Variants in SMYD3 observed in about 807,000 individuals in gnomAD.
The protein encoded by SMYD3 is SET and MYND domain containing 3, also known as histone-lysine N-methyltransferase SMYD3.
Under a neutral mutation model 57.7 loss-of-function variants are expected in SMYD3, and 36 were observed. That is an observed-to-expected ratio of 0.62 (90% CI 0.48 to 0.82). The LOEUF (loss-of-function observed/expected upper bound fraction) is 0.82, where lower values mean the gene tolerates loss of function less well. Among genes scored for constraint, SMYD3 ranks in the 40% least tolerant of loss-of-function variants. The pLI is 0.00. For synonymous variants in SMYD3, 211 were observed against 195.0 expected (o/e 1.08, Z -0.68); for missense variants, 515 against 538.8 (o/e 0.96, Z 0.44).
At chr1:245,843,613 A>G (rs1459232247) in intron 10 of SMYD3, among the ~76,000 whole-genome samples, 5 of 151,632 alleles carry the variant, frequency 3.3e-5, no homozygotes, top group Admixed American at 6.6e-5. Context: ...ACAAAGTAAC[A>G]TCAGTTGTAT....
intron 8 of SMYD3, among the ~76,000 whole-genome samples, chr1:245,895,617 CT>C (rs34026990): frequency 1.3e-5 from 2 of 152,214 alleles, no homozygotes; most frequent in African/African-American, 4.8e-5. Flanking sequence ...TTGAATATAA[CT>C]TTTGCGCTAA....
At chr1:246,102,751 A>AT (rs1206675867) in intron 5 of SMYD3, among the ~76,000 whole-genome samples, 216 of 151,190 alleles carry the variant, frequency 1.4e-3, no homozygotes, top group African/African-American at 5.0e-3. Flanking sequence ...CTCAAAAAAA[A>AT]AAAAAATAAT....
At chr1:246,412,782 C>T (rs527453971) in intron 1 of SMYD3, among the ~76,000 whole-genome samples, 2 of 145,520 alleles carry the variant, frequency 1.4e-5, no homozygotes, top group African/African-American at 2.5e-5. Flanking sequence ...GGCTTGAACT[C>T]GGGAGGCGGA....
intron 5 of SMYD3, among the ~76,000 whole-genome samples, chr1:246,127,766 C>T (rs753552516): frequency 3.9e-5 from 6 of 151,958 alleles, no homozygotes; most frequent in African/African-American, 9.7e-5. Context: ...CATGATAGCG[C>T]GTGCCTGTAA....
At chr1:246,041,836 C>G (rs2059881574) in intron 5 of SMYD3, among the ~76,000 whole-genome samples, 1 of 151,818 alleles carries the variant, frequency 6.6e-6, no homozygotes. Flanking sequence ...AAAAGGGTGA[C>G]TAAATACATA....
chr1:246,277,760 A>T (rs1224140550), intron 5 of SMYD3, among the ~76,000 whole-genome samples: 1 of 152,222 alleles, frequency 6.6e-6, no homozygotes, highest in Admixed American at 6.5e-5. Context: ...CTAAGTGAAA[A>T]GAGTCAGACC....
chr1:245,838,876 C>G (rs2050239938), intron 10 of SMYD3, among the ~76,000 whole-genome samples: 1 of 152,172 alleles, frequency 6.6e-6, no homozygotes, highest in African/African-American at 2.4e-5. Flanking sequence ...ACAATCCCAC[C>G]CGTATGAAAC....
At chr1:246,345,213 G>A (rs2065693589) in intron 2 of SMYD3, among the ~76,000 whole-genome samples, 1 of 151,994 alleles carries the variant, frequency 6.6e-6, no homozygotes, top group Admixed American at 6.6e-5. Flanking sequence ...TTAAGTTTAA[G>A]CTTATTGAAC....
chr1:245,783,076 AT>A (rs774071067), intron 10 of SMYD3, among the ~76,000 whole-genome samples: 3 of 152,194 alleles, frequency 2.0e-5, no homozygotes, highest in Non-Finnish European at 2.9e-5. Context: ...TGTTTATTCC[AT>A]ATACAGACTT....
At chr1:246,444,293 T>C (rs1017419113) in intron 1 of SMYD3, among the ~76,000 whole-genome samples, 2 of 152,062 alleles carry the variant, frequency 1.3e-5, no homozygotes, top group African/African-American at 4.8e-5. Context: ...GCCTGGCTAA[T>C]TTTTGTATTT....
chr1:246,060,582 A>ATTTTTTTTTTTTTTTTTTTTTTTT (rs1558191811), intron 5 of SMYD3, among the ~76,000 whole-genome samples: 3 of 152,176 alleles, frequency 2.0e-5, no homozygotes, highest in African/African-American at 7.2e-5. Flanking sequence ...CATTTTAATA[A>ATTTTTTTTTTTTTTTTTTTTTTTT]ATTTTTATGA....
intron 1 of SMYD3, among the ~76,000 whole-genome samples, chr1:246,366,145 C>A (rs910801667): frequency 6.6e-6 from 1 of 152,148 alleles, no homozygotes; most frequent in Non-Finnish European, 1.5e-5. Context: ...ATTTCCTCCT[C>A]CCTCCCATAG....
intron 5 of SMYD3, among the ~76,000 whole-genome samples, chr1:246,323,681 T>C (rs1204887316): frequency 6.6e-6 from 1 of 152,134 alleles, no homozygotes; most frequent in Non-Finnish European, 1.5e-5. Context: ...CTGCTGAAGT[T>C]TTCTGCCTTG....
At chr1:246,047,209 A>T (rs1265258875) in intron 5 of SMYD3, among the ~76,000 whole-genome samples, 1 of 152,242 alleles carries the variant, frequency 6.6e-6, no homozygotes, top group East Asian at 1.9e-4. Context: ...AGTGTGCAAA[A>T]GAATAGTGGG....
chr1:246,056,842 G>A (rs2060160545), intron 5 of SMYD3, among the ~76,000 whole-genome samples: 1 of 152,102 alleles, frequency 6.6e-6, no homozygotes, highest in South Asian at 2.1e-4. Context: ...CTTGCAAAGA[G>A]TTATTGAAAC....
chr1:246,130,047 C>T (rs1180335624), intron 5 of SMYD3, among the ~76,000 whole-genome samples: 3 of 152,118 alleles, frequency 2.0e-5, no homozygotes, highest in African/African-American at 7.2e-5. Context: ...GAATGAGTTG[C>T]AAGTACAATA....
chr1:246,418,714 A>ACCTGGGCTTC (rs1344000767), intron 1 of SMYD3, among the ~76,000 whole-genome samples: 2 of 152,066 alleles, frequency 1.3e-5, no homozygotes, highest in African/African-American at 2.4e-5. Context: ...GCGCTCGGTG[A>ACCTGGGCTTC]CCTGGGCTCT....
chr1:246,206,263 T>TA (rs1327040763), intron 5 of SMYD3, among the ~76,000 whole-genome samples: 10 of 141,514 alleles, frequency 7.1e-5, no homozygotes, highest in Admixed American at 1.5e-4. Flanking sequence ...AACATCAAAA[T>TA]GGGGAAGGAA....
chr1:245,829,436 T>A (rs1419596398), intron 10 of SMYD3, among the ~76,000 whole-genome samples: 1 of 152,070 alleles, frequency 6.6e-6, no homozygotes, highest in Non-Finnish European at 1.5e-5. Flanking sequence ...AGTGAGATAC[T>A]ACCGCCCATC....
Sources: gnomAD v4.1 joint callset for allele counts (sites outside exome capture counted in the v4.1 genomes callset) on GRCh38, gnomAD v4.1.1 for gene constraint, MANE v1.5 for transcripts, NCBI Gene and HGNC (gene_info 2026-07-23, HGNC 2026-07-21) for gene names.